Variants in CDHR2 observed in about 807,000 individuals in gnomAD.
The protein encoded by CDHR2 is cadherin-related family member 2.
A neutral mutation model predicts 138.6 loss-of-function variants in CDHR2; 104 were observed. The observed-to-expected ratio is 0.75, with a 90% CI of 0.64 to 0.88. CDHR2 has a LOEUF of 0.88. Among genes scored for constraint, CDHR2 ranks in the 40% least tolerant of loss-of-function variants. The pLI is 0.00. For synonymous variants in CDHR2, 755 were observed against 742.8 expected, an observed-to-expected ratio of 1.02 and a Z score of -0.27; for missense variants, 1,624 against 1,727.6, an observed-to-expected ratio of 0.94 and a Z score of 1.06.
rs761756831 is a variant in CDHR2 at position 176,575,179 on chromosome 5, C to T, written c.591C>T (p.Ser197=). Residue 197 remains serine, a synonymous_variant, in exon 8 of 32, where the codon AGC becomes AGT. Transcript: ENST00000261944. The part of the protein sequence containing the change: ...LNGSLSYNNK[S]AFYQLELKAC... ...GCAGCCTCAGCTACAACAACAAGAG[C>T]GCTTTCTACCAGCTGGAGCTGAAGG... 16 of 1,614,212 alleles carry T rather than the reference C, an allele frequency of 9.9e-6. No homozygotes were observed. The highest frequency in any genetic ancestry group is 2.2e-5 in the East Asian group (1 of 44,890).
intron 1 of CDHR2, among the ~76,000 whole-genome samples, chr5:176,551,026 T>C (rs1469860077): frequency 6.6e-6 from 1 of 152,198 alleles, no homozygotes; most frequent in Non-Finnish European, 1.5e-5. Flanking sequence ...CACTTTCTTT[T>C]TGAGACGGAT....
rs1025508237 is a variant in CDHR2 at position 176,595,442 on chromosome 5, G to A, written c.3793-90G>A. On this transcript the variant is annotated intron_variant, in intron 31 of 31. Transcript: ENST00000261944. ...GACCCCTGCCAAGGAACCACTGGTC[G>A]TGAGCTTGAAGCCCATCCACTCCCC... The A allele has an allele frequency of 1.7e-5, 23 of 1,380,022 alleles. No homozygotes were observed. The South Asian group carries it at 2.6e-4, about 15-fold the overall frequency. 85.5% of individuals were successfully genotyped at this position (1,380,022 alleles called of 1,614,324 possible). A position where few individuals can be genotyped will look rare whatever the true frequency, so the allele number is the denominator to read the frequency against.
chr5:176,576,857 G>C lies in CDHR2; in HGVS notation c.1195-542G>C, dbSNP rs553108468. 1.3e-5 allele frequency among the ~76,000 whole-genome samples: 2 copies of C among 152,188 alleles called. No homozygotes were observed. The highest frequency in any genetic ancestry group is 2.4e-5 in the African/African-American group (1 of 41,430). On this transcript the variant is annotated intron_variant, in intron 12 of 31. Coordinates refer to ENST00000261944, the MANE Select transcript of CDHR2 (RefSeq NM_017675.6). This position sits in a 1 kb window ranked among gnomAD's most constrained non-coding sequence, Gnocchi z 4.5. Reference sequence around the variant, plus strand: ...CTCCCAAAGTGCTGGGATTGCAGGCGTGAGCCACCGCGCCCAGCCATGGGA... The same window carrying C: ...CTCCCAAAGTGCTGGGATTGCAGGCCTGAGCCACCGCGCCCAGCCATGGGA...
chr5:176,568,414 C>G (rs1216919070), intron 3 of CDHR2, among the ~76,000 whole-genome samples: 1 of 152,264 alleles, frequency 6.6e-6, no homozygotes, highest in Non-Finnish European at 1.5e-5. Flanking sequence ...CTGGAGAGGG[C>G]AGGGCCACAG....
chr5:176,579,107 A>C (rs942325186), intron 16 of CDHR2, among the ~76,000 whole-genome samples: 2 of 152,228 alleles, frequency 1.3e-5, no homozygotes, highest in Non-Finnish European at 2.9e-5. Context: ...CACAGAGTTC[A>C]TGAGATAAAA....
Position 176,584,653 on chromosome 5 carries a change from T to C in CDHR2, c.2372T>C (p.Ile791Thr). 1 of 1,613,880 alleles carries C rather than the reference T, an allele frequency of 6.2e-7. No homozygotes were observed. The highest frequency in any genetic ancestry group is 8.5e-7 in the Non-Finnish European group (1 of 1,179,904). The change falls in exon 19 of 32, where the codon ATA (isoleucine) becomes ACA (threonine). Residue 791 changes from isoleucine (I) to threonine (T), a missense_variant. Coordinates refer to ENST00000261944, the MANE Select transcript of CDHR2 (RefSeq NM_017675.6). ...CCAGACCCCCAGGGGGGTGAGACCA[T>C]AGTAGACGTCTGCGTGAATGTGAAA... The part of the protein sequence containing the change: ...ENPDPQGGET[I>T]VDVCVNVKDV...
intron 6 of CDHR2, among the ~76,000 whole-genome samples, chr5:176,573,099 C>T (rs960926639): frequency 1.3e-5 from 2 of 152,048 alleles, no homozygotes; most frequent in East Asian, 3.9e-4. Flanking sequence ...GGGGATGCTC[C>T]AGGAAGGGGT....
In CDHR2 at chr5:176,581,255, G is replaced by C. The variant is rs1758521491; in HGVS notation, c.1819-88G>C. The C allele has an allele frequency of 1.9e-6, 3 of 1,545,154 alleles. No homozygotes were observed. The Admixed American group carries it at 5.3e-5, about 27-fold the overall frequency. On this transcript the variant is annotated intron_variant, in intron 16 of 31. Transcript: ENST00000261944. ...GCCTGATGACTGCCTGCGTGGGCCA[G>C]CGCTGGAGAGGAGGGTCCGGCTGCA...
At position 176,575,381 on chromosome 5, in the gene CDHR2, T is replaced by C. The variant is rs780470108; in HGVS notation, c.723T>C (p.Phe241=). The part of the protein sequence containing the change: ...VVDQPDLDPQ[F]VREFYSASVA... ...ACCAGCCTGACCTTGACCCCCAGTT[T>C]GTCAGGGAGTTTTACTCGGCCTCTG... The change falls in exon 9 of 32, where the codon TTT becomes TTC. Residue 241 remains phenylalanine (F), a synonymous_variant. Transcript: ENST00000261944. 6 of 1,614,076 alleles carry C rather than the reference T, an allele frequency of 3.7e-6. No homozygotes were observed. Among genetic ancestry groups the C allele is most frequent in the Non-Finnish European group, 5.1e-6 (6 of 1,180,034 alleles).
At chr5:176,545,591 T>A (rs530184149), upstream of CDHR2, among the ~76,000 whole-genome samples, 1 of 152,332 alleles carries the variant, frequency 6.6e-6, no homozygotes, top group Non-Finnish European at 1.5e-5. Context: ...ACATCATTAC[T>A]CCTTAGAACA....
chr5:176,574,148 C>A lies in CDHR2; in HGVS notation c.471C>A (p.Gly157=), dbSNP rs1258321315. 5.0e-6 allele frequency: 8 copies of A among 1,613,822 alleles called. No individual in the cohort carries two copies. The East Asian group carries it at 1.8e-4, about 36-fold the overall frequency. ...TGGATAAAGACATGGGGTCTGCAGG[C>A]ATGGTCGTGTACTCCATAGAGAAGG... The part of the protein sequence containing the change: ...LAVDKDMGSA[G]MVVYSIEKVI... The change falls in exon 7 of 32, where the codon GGC becomes GGA. Residue 157 remains glycine (G), a synonymous_variant. Transcript: ENST00000261944.
Position 176,591,413 on chromosome 5 carries a change from C to A in CDHR2, c.3663C>A (p.Pro1221=). 3 of 1,614,062 alleles carry A rather than the reference C, an allele frequency of 1.9e-6. No individual in the cohort carries two copies. Among genetic ancestry groups the A allele is most frequent in the Non-Finnish European group, 2.5e-6 (3 of 1,180,008 alleles). ...CAGGCTTTCTCTCCAGAGCCAACCC[C>A]ATGCTGAACCTCCCCAACAAAGACC... ...TNMYNTERAN[P]MLNLPNKDLG... The change falls in exon 30 of 32, where the codon CCC becomes CCA. Residue 1221 remains proline (P), a synonymous_variant. Transcript: ENST00000261944.
intron 1 of CDHR2, among the ~76,000 whole-genome samples, chr5:176,561,368 C>T (rs1757964256): frequency 6.6e-6 from 1 of 152,164 alleles, no homozygotes; most frequent in Non-Finnish European, 1.5e-5. Flanking sequence ...CTCACTGGCT[C>T]ATCCATTCAT....
At position 176,578,491 on chromosome 5, in the gene CDHR2, C is replaced by G. The variant is rs926741280; in HGVS notation, c.1701C>G (p.Ser567=). 1.9e-6 allele frequency: 3 copies of G among 1,613,706 alleles called. No individual in the cohort carries two copies. The highest frequency in any genetic ancestry group is 2.5e-6 in the Non-Finnish European group (3 of 1,179,792). The change falls in exon 16 of 32, where the codon TCC becomes TCG. Residue 567 remains serine (S), a synonymous_variant. Transcript: ENST00000261944. ...AGGCCACAGACGGCGGGAACCTGTC[C>G]TCCTCCACCACACTGCAGATCCACC... ...TLQATDGGNL[S]SSTTLQIHLL...
upstream of CDHR2, among the ~76,000 whole-genome samples, chr5:176,544,404 ATTTCC>A (rs1199981959): frequency 1.5e-5 from 1 of 66,484 alleles, no homozygotes; most frequent in Non-Finnish European, 3.4e-5. Flanking sequence ...TCTTTCTTCT[ATTTCC>A]TTTCTTCTTT....
chr5:176,559,153 G>A (rs1260644660), intron 1 of CDHR2, among the ~76,000 whole-genome samples: 1 of 152,194 alleles, frequency 6.6e-6, no homozygotes, highest in Non-Finnish European at 1.5e-5. Context: ...AAGAGGCCCA[G>A]GTGTAAGCTG....
Position 176,590,642 on chromosome 5 carries a change from TG to T in CDHR2, c.3496del (p.Val1166SerfsTer3). The T allele has an allele frequency of 6.2e-7, 1 of 1,613,900 alleles. No individual in the cohort carries two copies. Among genetic ancestry groups the T allele is most frequent in the Non-Finnish European group, 8.5e-7 (1 of 1,180,018 alleles). ...ATAGGATTGGGAGTGGCTTTGCTGCTGGTCCTTGTGATCATGACCATGGCCT... is the reference window on the plus strand; with the variant it reads ...ATAGGATTGGGAGTGGCTTTGCTGCTGTCCTTGTGATCATGACCATGGCCT... ...VIIGLGVALLLVLVIMTMAFV... is the reference protein window; with the variant it reads ...VIIGLGVALLXVLVIMTMAFV... On this transcript the variant is annotated frameshift_variant, in exon 28 of 32. Coordinates refer to ENST00000261944, the MANE Select transcript of CDHR2 (RefSeq NM_017675.6). LOFTEE classifies it high-confidence loss of function.
At chr5:176,551,763 GGC>G (rs1757709786) in intron 1 of CDHR2, among the ~76,000 whole-genome samples, 1 of 143,900 alleles carries the variant, frequency 6.9e-6, no homozygotes. Flanking sequence ...GTGCAGTAGC[GGC>G]ATCTCGGCTC....
chr5:176,557,108 C>G (rs370878547), intron 1 of CDHR2, among the ~76,000 whole-genome samples: 3 of 149,024 alleles, frequency 2.0e-5, no homozygotes, highest in South Asian at 4.3e-4. Flanking sequence ...CTCAAACTCC[C>G]GGGCTCAAGC....
Sources: gnomAD v4.1 joint callset for allele counts (sites outside exome capture counted in the v4.1 genomes callset) on GRCh38, gnomAD v4.1.1 for gene constraint, Gnocchi (gnomAD v3.1) non-coding constraint, MANE v1.5 for transcripts, NCBI Gene and HGNC (gene_info 2026-07-23, HGNC 2026-07-21) for gene names.